Variants in MRPS28 observed in about 807,000 individuals in gnomAD.
The protein encoded by MRPS28 is small ribosomal subunit protein bS1m.
In MRPS28, 7 loss-of-function variants were observed where a neutral mutation model predicts 10.8. That is an observed-to-expected ratio of 0.65 (90% CI 0.37 to 1.22). The LOEUF is 1.22. Among genes scored for constraint, MRPS28 ranks in the 50% most tolerant of loss-of-function variants. MRPS28 has a pLI of 0.02. For synonymous variants in MRPS28, 121 were observed against 93.3 expected (o/e 1.30, Z -1.71); for missense variants, 265 against 232.9 (o/e 1.14, Z -0.90).
chr8:80,027,135 T>C (rs1689980003), intron 1 of MRPS28, among the ~76,000 whole-genome samples: 1 of 152,186 alleles, frequency 6.6e-6, no homozygotes, highest in Non-Finnish European at 1.5e-5. Flanking sequence ...AACTGTGTAA[T>C]TGTGGAAGCA....
At chr8:79,956,693 T>G (rs1807222969) in intron 2 of MRPS28, 1 of 152,182 alleles carries the variant, frequency 6.6e-6, no homozygotes, top group South Asian at 2.1e-4. Context: ...TAATAAATTC[T>G]TATCATTTAT....
intron 2 of MRPS28, among the ~76,000 whole-genome samples, chr8:79,921,484 TCTC>T (rs1452915298): frequency 1.4e-4 from 21 of 150,092 alleles, no homozygotes; most frequent in Admixed American, 7.3e-4. Context: ...GGTTTGTAGT[TCTC>T]CTTGAAGAGG....
chr8:80,027,591 G>A (rs372057521), intron 1 of MRPS28, among the ~76,000 whole-genome samples: 20 of 152,188 alleles, frequency 1.3e-4, no homozygotes, highest in African/African-American at 4.1e-4. Flanking sequence ...CCAACTTTAG[G>A]AAGATAACTT....
intron 2 of MRPS28, among the ~76,000 whole-genome samples, chr8:79,976,747 T>C (rs1393167563): frequency 6.6e-6 from 1 of 152,152 alleles, no homozygotes; most frequent in East Asian, 1.9e-4. Flanking sequence ...AGAAAATGTT[T>C]CACTTGGTGA....
chr8:79,962,720 T>C (rs769489442), intron 2 of MRPS28, among the ~76,000 whole-genome samples: 4 of 152,034 alleles, frequency 2.6e-5, no homozygotes, highest in African/African-American at 4.8e-5. Flanking sequence ...TGAATGAAAA[T>C]ATGAAAGTAG....
chr8:79,967,133 G>A (rs1395701829), intron 2 of MRPS28, among the ~76,000 whole-genome samples: 1 of 152,162 alleles, frequency 6.6e-6, no homozygotes, highest in Non-Finnish European at 1.5e-5. Flanking sequence ...GCAAGAAAGA[G>A]AATGAGAGCA....
intron 2 of MRPS28, among the ~76,000 whole-genome samples, chr8:79,985,798 A>C (rs1328703913): frequency 6.6e-6 from 1 of 152,118 alleles, no homozygotes; most frequent in East Asian, 1.9e-4. Flanking sequence ...CTTACCAACC[A>C]AAAAGAGTCC....
intron 2 of MRPS28, among the ~76,000 whole-genome samples, chr8:79,962,616 T>C (rs1449550930): frequency 6.6e-6 from 1 of 152,120 alleles, no homozygotes; most frequent in Non-Finnish European, 1.5e-5. Context: ...GAAAAAGTAA[T>C]CCAATAGATT....
At chr8:80,019,699 A>G (rs1226712716) in intron 1 of MRPS28, among the ~76,000 whole-genome samples, 1 of 152,198 alleles carries the variant, frequency 6.6e-6, no homozygotes. Flanking sequence ...ACTGTGTATG[A>G]TCATGGATGG....
intron 1 of MRPS28, among the ~76,000 whole-genome samples, chr8:80,012,030 C>A (rs558062494): frequency 1.2e-3 from 184 of 152,222 alleles, no homozygotes; most frequent in African/African-American, 4.3e-3. Context: ...TTTAGTAAGT[C>A]TGCAGTTAAA....
chr8:79,932,585 C>CT (rs1806491141), intron 2 of MRPS28, among the ~76,000 whole-genome samples: 1 of 152,124 alleles, frequency 6.6e-6, no homozygotes, highest in African/African-American at 2.4e-5. Flanking sequence ...CTTTTAGGTG[C>CT]TCTGGAAAGC....
At chr8:79,930,071 C>A (rs1370283575) in intron 2 of MRPS28, among the ~76,000 whole-genome samples, 2 of 152,176 alleles carry the variant, frequency 1.3e-5, no homozygotes, top group African/African-American at 2.4e-5. Context: ...CTTACCACAT[C>A]CATAGGTGCT....
intron 2 of MRPS28, among the ~76,000 whole-genome samples, chr8:79,953,220 G>A (rs552519193): frequency 1.3e-5 from 2 of 152,298 alleles, no homozygotes; most frequent in Admixed American, 6.5e-5. Flanking sequence ...CTCCAGTTGC[G>A]TATTCCATGA....
At chr8:79,962,700 A>T (rs969211983) in intron 2 of MRPS28, among the ~76,000 whole-genome samples, 1 of 152,144 alleles carries the variant, frequency 6.6e-6, no homozygotes, top group Non-Finnish European at 1.5e-5. Context: ...GAAATAATGA[A>T]TTGCGGCAGT....
intron 1 of MRPS28, among the ~76,000 whole-genome samples, chr8:80,004,418 T>A: frequency 6.6e-6 from 1 of 152,204 alleles, no homozygotes; most frequent in East Asian, 1.9e-4. Flanking sequence ...GACCTGCAGC[T>A]GAGGGTCCTG....
intron 2 of MRPS28, among the ~76,000 whole-genome samples, chr8:79,950,673 G>T (rs1010301083): frequency 3.9e-5 from 6 of 152,148 alleles, no homozygotes; most frequent in Non-Finnish European, 8.8e-5. Flanking sequence ...ATGAATAAAT[G>T]TTATTTGCCA....
rs191210213 is a variant in MRPS28 at position 80,016,481 on chromosome 8, T to G, written c.214-13301A>C. Among the ~76,000 whole-genome samples the G allele has an allele frequency of 1.7e-3, 265 of 151,962 alleles. 1 individual carries two copies. The Middle Eastern group carries it at 0.024, about 14-fold the overall frequency. ...TTATCCTTCAAAAATGAAGGAGAATTAAAGACTTTCTCAGACAAATAAAAA... is the reference window on the plus strand; with the variant it reads ...TTATCCTTCAAAAATGAAGGAGAATGAAAGACTTTCTCAGACAAATAAAAA... On this transcript the variant is annotated intron_variant, in intron 1 of 2. Coordinates refer to ENST00000276585, the MANE Select transcript of MRPS28 (RefSeq NM_014018.3).
intron 1 of MRPS28, among the ~76,000 whole-genome samples, chr8:80,014,504 G>T (rs946555361): frequency 1.3e-5 from 2 of 152,210 alleles, no homozygotes; most frequent in Non-Finnish European, 2.9e-5. Flanking sequence ...AGGCTGGGAA[G>T]TCTGGCCACA....
At chr8:79,995,595 G>A (rs749282921) in intron 2 of MRPS28, among the ~76,000 whole-genome samples, 13 of 152,264 alleles carry the variant, frequency 8.5e-5, no homozygotes, top group Admixed American at 1.3e-4. Flanking sequence ...CCTATCAAGG[G>A]CATCAGTGAA....
Sources: allele counts gnomAD v4.1 joint callset (sites outside exome capture counted in the v4.1 genomes callset), GRCh38; gene constraint gnomAD v4.1.1; transcripts MANE v1.5; gene names NCBI Gene and HGNC (gene_info 2026-07-23, HGNC 2026-07-21).